The following JAKMIP3 variants were observed in gnomAD, a reference collection of about 807,000 sequenced individuals.
The protein encoded by JAKMIP3 is Janus kinase and microtubule interacting protein 3, also known as janus kinase and microtubule-interacting protein 3.
JAKMIP3 carries 58 observed loss-of-function variants against 118.5 expected under a neutral mutation model. The observed-to-expected ratio is 0.49, with a 90% CI of 0.40 to 0.61. JAKMIP3 has a LOEUF of 0.61. Ranked by LOEUF, JAKMIP3 falls within the 20% of genes least tolerant of loss-of-function variation. The probability of loss-of-function intolerance (pLI) is 0.00; values close to 1 mark genes in which losing one functional copy is unlikely to be tolerated. For synonymous variants in JAKMIP3, 486 were observed against 451.2 expected (o/e 1.08, Z -0.98); for missense variants, 950 against 1,109.0 (o/e 0.86, Z 2.04).
In JAKMIP3 at chr10:132,168,014, G is replaced by A. The variant is rs546937472; in HGVS notation, c.*84G>A. 194 of 1,289,590 alleles carry A rather than the reference G, an allele frequency of 1.5e-4. No individual in the cohort carries two copies. The Middle Eastern group carries it at 2.6e-3, about 17-fold the overall frequency. 79.9% of individuals were successfully genotyped at this position (1,289,590 alleles called of 1,614,324 possible). A position where few individuals can be genotyped will look rare whatever the true frequency, so the allele number is the denominator to read the frequency against. ...CCAGAAAGCAGGGACAAAATGGGAC[G>A]TCGCGTCTCCATCCTGAAGACCCAG... On this transcript the variant is annotated 3_prime_UTR_variant, in exon 23 of 24. Coordinates refer to ENST00000684848, the MANE Select transcript of JAKMIP3 (RefSeq NM_001323087.2).
At chr10:132,148,941 G>C (rs2055247931) in intron 14 of JAKMIP3, among the ~76,000 whole-genome samples, 4 of 152,232 alleles carry the variant, frequency 2.6e-5, no homozygotes, top group Admixed American at 6.5e-5. Context: ...CACTGCCGGA[G>C]GACAGGGCAG....
intron 6 of JAKMIP3, among the ~76,000 whole-genome samples, chr10:132,136,498 G>A (rs945707989): frequency 4.6e-5 from 7 of 152,154 alleles, no homozygotes; most frequent in African/African-American, 1.7e-4. Flanking sequence ...AAGGCCATGA[G>A]CCAGGAGTGG....
intron 1 of JAKMIP3, among the ~76,000 whole-genome samples, chr10:132,068,774 G>C (rs925916719): frequency 6.6e-6 from 1 of 152,118 alleles, no homozygotes; most frequent in African/African-American, 2.4e-5. Context: ...TGATTGCCTT[G>C]GGTTTTTGAC....
At chr10:132,054,060 A>C (rs1299512228) in intron 1 of JAKMIP3, among the ~76,000 whole-genome samples, 1 of 132,952 alleles carries the variant, frequency 7.5e-6, no homozygotes, top group Non-Finnish European at 1.6e-5. Flanking sequence ...AAAAAAAAAA[A>C]TGCTGGCCAC....
rs201747630 is a variant in JAKMIP3, at chr10:132,153,013, T to C, written c.2063T>C (p.Leu688Ser). 2 of 1,607,874 alleles carry C rather than the reference T, an allele frequency of 1.2e-6. No individual in the cohort carries two copies. The highest frequency in any genetic ancestry group is 1.7e-5 in the Admixed American group (1 of 59,394). Residue 688 changes from leucine to serine, a missense_variant, in exon 17 of 24, where the codon TTG (leucine) becomes TCG (serine). By Grantham distance (145) the Leu-to-Ser change is moderately radical. Coordinates refer to ENST00000684848, the MANE Select transcript of JAKMIP3 (RefSeq NM_001323087.2). ...VVIQARTVLTLAEKWLQQIEE... is the reference protein window; with the variant it reads ...VVIQARTVLTSAEKWLQQIEE... ...ATACAAGCCAGGACAGTCCTGACCT[T>C]GGCCGAAAAGGTAACAGCAGCTGTG...
At chr10:132,045,132 C>T (rs11146131) in intron 1 of JAKMIP3, among the ~76,000 whole-genome samples, 29,795 of 152,066 alleles carry the variant, frequency 0.2, 3,758 homozygotes, top group East Asian at 0.56. Flanking sequence ...TTCAGGTTCC[C>T]ACCAGCCGTG....
chr10:132,078,535 C>G (rs1308986137), intron 1 of JAKMIP3, among the ~76,000 whole-genome samples: 2 of 149,562 alleles, frequency 1.3e-5, no homozygotes, highest in Non-Finnish European at 1.5e-5. Context: ...AGATTCATTT[C>G]TCCTCAAGTC....
rs1293181315 is a variant in JAKMIP3, at chr10:132,180,770, C to CAT, written c.*1104-1587_*1104-1586insAT. On this transcript the variant is annotated intron_variant, in intron 23 of 23. Transcript: ENST00000684848. Reference sequence around the variant, plus strand: ...GCGCGCGCGTGTGTGCGTGTGTGTGCGTGTGTGTGTGTGCGCGTATGCATG... The same window carrying CAT: ...GCGCGCGCGTGTGTGCGTGTGTGTGCATGTGTGTGTGTGTGCGCGTATGCATG... 8.2e-4 allele frequency among the ~76,000 whole-genome samples: 43 copies of CAT among 52,216 alleles called. 11 individuals carry two copies. Among genetic ancestry groups the CAT allele is most frequent in the African/African-American group, 4.3e-3 (36 of 8,406 alleles). 34.3% of individuals were successfully genotyped at this position (52,216 alleles called of 152,430 possible). A position where few individuals can be genotyped will look rare whatever the true frequency, so the allele number is the denominator to read the frequency against.
intron 15 of JAKMIP3, 36 bp downstream of exon 15, chr10:132,149,546 C>A: frequency 9.6e-7 from 1 of 1,043,308 alleles, no homozygotes; most frequent in African/African-American, 1.9e-5. Context: ...CCGCCCCCAC[C>A]TCACCCATCC....
rs2060869362 is a variant in JAKMIP3 at position 132,180,612 on chromosome 10, T to TTC, written c.*1104-1745_*1104-1744insTC. 8.6e-5 allele frequency among the ~76,000 whole-genome samples: 2 copies of TTC among 23,212 alleles called. 1 individual carries two copies. Among genetic ancestry groups the TTC allele is most frequent in the Non-Finnish European group, 1.6e-4 (2 of 12,390 alleles). The allele number at this position is 23,212 out of a possible 152,430, so 15.2% of individuals were successfully genotyped here. ...GTGTGTGTGTGCGTGCGCGTGTGTG[T>TTC]GTGCGTGTGTGTGCGTGTGTGCGTG... On this transcript the variant is annotated intron_variant, in intron 23 of 23. Transcript: ENST00000684848.
intron 8 of JAKMIP3, among the ~76,000 whole-genome samples, chr10:132,137,772 G>A (rs192365123): frequency 1.2e-3 from 190 of 152,350 alleles, no homozygotes; most frequent in Admixed American, 2.4e-3. Flanking sequence ...TGCAGGGTCC[G>A]GAGGGGCCCT....
chr10:132,106,136 A>T (rs536082451), intron 2 of JAKMIP3, among the ~76,000 whole-genome samples: 1 of 151,796 alleles, frequency 6.6e-6, no homozygotes, highest in African/African-American at 2.4e-5. Context: ...GGAGTTCGAG[A>T]CCAACCTGGG....
At position 132,118,114 on chromosome 10, in the gene JAKMIP3, C is replaced by A. The variant is rs2048003245; in HGVS notation, c.633+540C>A. ...CCCCGGGGGGTGGGATGGCCCCCAG[C>A]TGCCCTGAGGTCCCTGTCTCTGCAG... On this transcript the variant is annotated intron_variant, in intron 3 of 23. Coordinates refer to ENST00000684848, the MANE Select transcript of JAKMIP3 (RefSeq NM_001323087.2). This position sits in a 1 kb window ranked among gnomAD's most constrained non-coding sequence, Gnocchi z 4.8. Among the ~76,000 whole-genome samples, 1 of 152,104 alleles carries A rather than the reference C, an allele frequency of 6.6e-6. No individual in the cohort carries two copies. The highest frequency in any genetic ancestry group is 2.1e-4 in the South Asian group (1 of 4,826).
chr10:132,049,182 T>C lies in JAKMIP3; in HGVS notation c.-138+12444T>C, dbSNP rs2038027714. 6.6e-6 allele frequency among the ~76,000 whole-genome samples: 1 copy of C among 152,114 alleles called. No homozygotes were observed. The highest frequency in any genetic ancestry group is 2.4e-5 in the African/African-American group (1 of 41,402). On this transcript the variant is annotated intron_variant, in intron 1 of 23. Transcript: ENST00000657785. The surrounding 1 kb of genome is among the most constrained non-coding windows in gnomAD (Gnocchi z 4.3). ...CTCAAAGTTGGTGGTCTGGGTTGAT[T>C]TTCTAGCGGCTGGCGAGCTCTTTGC...
intron 1 of JAKMIP3, among the ~76,000 whole-genome samples, chr10:132,039,511 A>G (rs1024316666): frequency 2.0e-5 from 3 of 152,032 alleles, no homozygotes; most frequent in Admixed American, 2.0e-4. Flanking sequence ...TGGTCCCTGC[A>G]AGGCTGAGAG....
intron 1 of JAKMIP3, among the ~76,000 whole-genome samples, chr10:132,055,830 C>T (rs990411853): frequency 6.6e-6 from 1 of 152,202 alleles, no homozygotes; most frequent in African/African-American, 2.4e-5. Context: ...TGCAGAGAGC[C>T]CAGTAATTAG....
intron 1 of JAKMIP3, among the ~76,000 whole-genome samples, chr10:132,090,529 T>C (rs1313400964): frequency 6.6e-6 from 1 of 152,230 alleles, no homozygotes; most frequent in Admixed American, 6.5e-5. Context: ...TGATGGTAGT[T>C]TGTATTTCTG....
intron 2 of JAKMIP3, among the ~76,000 whole-genome samples, chr10:132,108,826 A>C (rs1042446219): frequency 6.6e-6 from 1 of 151,244 alleles, no homozygotes; most frequent in Admixed American, 6.6e-5. Context: ...AACATAGCAA[A>C]ACCTGGTCTC....
In JAKMIP3 at chr10:132,168,067, C is replaced by G. The variant is rs759155034; in HGVS notation, c.*137C>G. 7.8e-7 allele frequency: 1 copy of G among 1,289,546 alleles called. No homozygotes were observed. The highest frequency in any genetic ancestry group is 2.3e-5 in the Admixed American group (1 of 43,554). 79.9% of individuals were successfully genotyped at this position (1,289,546 alleles called of 1,614,324 possible). On this transcript the variant is annotated 3_prime_UTR_variant, in exon 23 of 24. Coordinates refer to ENST00000684848, the MANE Select transcript of JAKMIP3 (RefSeq NM_001323087.2). ...AGATTTGGTCTCTGCACGCCCGTCC[C>G]GTGGAGGAAGAGTGAGAAGGGGCAG...
Sources: gnomAD v4.1 joint callset for allele counts (sites outside exome capture counted in the v4.1 genomes callset) on GRCh38, gnomAD v4.1.1 for gene constraint, Gnocchi (gnomAD v3.1) non-coding constraint, MANE v1.5 for transcripts, NCBI Gene and HGNC (gene_info 2026-07-23, HGNC 2026-07-21) for gene names.